Variants in RELN observed in about 807,000 individuals in gnomAD.
RELN encodes the protein reelin.
A neutral mutation model predicts 427.6 loss-of-function variants in RELN; 108 were observed. The ratio of observed to expected loss-of-function variants is 0.25; its 90% confidence interval spans 0.22 to 0.30. RELN has a LOEUF of 0.30. RELN is among the 10% of genes least tolerant of loss of function. The pLI, the probability that RELN is intolerant of heterozygous loss-of-function variation, is 1.00. For missense variants in RELN, 3,715 were observed against 4,302.8 expected, an observed-to-expected ratio of 0.86 and a Z score of 3.82; for synonymous variants, 1,524 against 1,513.4, an observed-to-expected ratio of 1.01 and a Z score of -0.16.
At chr7:103,528,057 T>C (rs1829862924) in intron 46 of RELN, among the ~76,000 whole-genome samples, 2 of 152,188 alleles carry the variant, frequency 1.3e-5, no homozygotes. Context: ...ATTCCAGTCC[T>C]AGGTATATAG....
intron 5 of RELN, among the ~76,000 whole-genome samples, chr7:103,751,424 C>A (rs1490483760): frequency 6.6e-6 from 1 of 152,198 alleles, no homozygotes; most frequent in Admixed American, 6.5e-5. Flanking sequence ...AGCAGGCAAG[C>A]ACGTAATGAA....
chr7:103,510,488 G>A (rs1424834014), intron 51 of RELN, among the ~76,000 whole-genome samples: 3 of 148,060 alleles, frequency 2.0e-5, no homozygotes, highest in East Asian at 2.1e-4. Flanking sequence ...GGGGCCTGTC[G>A]GGGAGTGGAG....
At chr7:103,674,722 C>A (rs942914465) in intron 11 of RELN, among the ~76,000 whole-genome samples, 2 of 152,158 alleles carry the variant, frequency 1.3e-5, no homozygotes, top group Non-Finnish European at 2.9e-5. Context: ...GGATGCAAGC[C>A]TGGTTCAACA....
At chr7:103,679,856 G>A (rs1435177277) in intron 11 of RELN, among the ~76,000 whole-genome samples, 2 of 152,122 alleles carry the variant, frequency 1.3e-5, no homozygotes, top group Non-Finnish European at 2.9e-5. Context: ...TCTAAACTAT[G>A]CTTGGTTTCT....
At chr7:103,705,219 C>T (rs944935167) in intron 8 of RELN, among the ~76,000 whole-genome samples, 1 of 152,188 alleles carries the variant, frequency 6.6e-6, no homozygotes, top group African/African-American at 2.4e-5. Context: ...CATCACCTCA[C>T]ATACTTCATT....
intron 2 of RELN, among the ~76,000 whole-genome samples, chr7:103,850,083 A>G (rs1255568131): frequency 6.6e-6 from 1 of 152,242 alleles, no homozygotes; most frequent in African/African-American, 2.4e-5. Context: ...AGAGGGTTTT[A>G]TCTTCCCAAT....
rs1423511567 is a variant in RELN, at chr7:103,838,206, CTCAA to C, written c.338-4538_338-4535del. On this transcript the variant is annotated intron_variant, in intron 2 of 64. Transcript: ENST00000428762. ...CCTGGGCGACAGAGCGAGACTTCGT[CTCAA>C]AAAAAAAAAAAAAAAAAAAAAAAAG... 1.6e-4 allele frequency among the ~76,000 whole-genome samples: 5 copies of C among 31,192 alleles called. No homozygotes were observed. The East Asian group carries it at 2.3e-3, about 14-fold the overall frequency. 20.5% of individuals were successfully genotyped at this position (31,192 alleles called of 152,430 possible).
intron 3 of RELN, among the ~76,000 whole-genome samples, chr7:103,802,968 ACCG>A (rs1792506095): frequency 6.6e-6 from 1 of 152,152 alleles, no homozygotes; most frequent in Non-Finnish European, 1.5e-5. Context: ...GTAATATAAC[ACCG>A]TAATATTATT....
chr7:103,790,231 G>A (rs551254452), intron 3 of RELN, among the ~76,000 whole-genome samples: 141 of 152,214 alleles, frequency 9.3e-4, no homozygotes, highest in African/African-American at 3.3e-3. Context: ...AATACCTAAT[G>A]TAGATGATGG....
At chr7:103,715,168 T>TG (rs1562968595) in intron 8 of RELN, among the ~76,000 whole-genome samples, 1 of 152,118 alleles carries the variant, frequency 6.6e-6, no homozygotes, top group African/African-American at 2.4e-5. Flanking sequence ...CAATGCTGTA[T>TG]GGGGGAACAT....
At chr7:103,906,140 G>GAGA (rs1207569449) in intron 2 of RELN, among the ~76,000 whole-genome samples, 7 of 152,116 alleles carry the variant, frequency 4.6e-5, no homozygotes, top group Admixed American at 3.9e-4. Flanking sequence ...AAGGACAGCA[G>GAGA]GGTTAGAGCA....
chr7:103,479,496 T>C (rs1460151637), intron 63 of RELN, among the ~76,000 whole-genome samples: 1 of 152,178 alleles, frequency 6.6e-6, no homozygotes. Flanking sequence ...ATACGGCAGA[T>C]TAGCAGGGGC....
chr7:103,516,421 G>T (rs1335999606), intron 49 of RELN, among the ~76,000 whole-genome samples: 3 of 151,994 alleles, frequency 2.0e-5, no homozygotes, highest in African/African-American at 7.3e-5. Flanking sequence ...GAGTAGCTGG[G>T]ATTACAGGCG....
At chr7:103,901,352 T>A (rs3915122) in intron 2 of RELN, among the ~76,000 whole-genome samples, 1 of 151,718 alleles carries the variant, frequency 6.6e-6, no homozygotes, top group Non-Finnish European at 1.5e-5. Context: ...TTGGCAGTTC[T>A]TCAAAAAATT....
intron 10 of RELN, 98 bp downstream of exon 10, chr7:103,697,755 G>A (rs1489639071): frequency 3.9e-6 from 6 of 1,555,142 alleles, no homozygotes; most frequent in Non-Finnish European, 5.3e-6. Context: ...AGTGGTTTTG[G>A]TAAAATAGCT....
chr7:103,517,143 T>C (rs1011972788), intron 49 of RELN, among the ~76,000 whole-genome samples: 2 of 151,792 alleles, frequency 1.3e-5, no homozygotes, highest in Non-Finnish European at 2.9e-5. Flanking sequence ...TCCTCATTTA[T>C]GTCAATTTTG....
At chr7:103,747,416 T>C (rs1335344193) in intron 6 of RELN, among the ~76,000 whole-genome samples, 2 of 104,784 alleles carry the variant, frequency 1.9e-5, no homozygotes, top group Non-Finnish European at 4.2e-5. Flanking sequence ...AGTATAATAA[T>C]AATAAAATTA....
At chr7:103,655,690 G>C (rs1408789847) in intron 12 of RELN, among the ~76,000 whole-genome samples, 1 of 152,042 alleles carries the variant, frequency 6.6e-6, no homozygotes, top group Non-Finnish European at 1.5e-5. Flanking sequence ...AGGAATATTA[G>C]ACAAAAGTAG....
rs1186715250 is a variant in RELN at position 103,765,580 on chromosome 7, A to T, written c.544+10977T>A. Among the ~76,000 whole-genome samples, 4 of 152,376 alleles carry T rather than the reference A, an allele frequency of 2.6e-5. No individual in the cohort carries two copies. The East Asian group carries it at 7.7e-4, about 29-fold the overall frequency. ...GTACATTAAAAATAATGTTGGATTA[A>T]TAAACTGGATGAAATAATATTTCAC... On this transcript the variant is annotated intron_variant, in intron 4 of 64. Transcript: ENST00000428762.
Sources: allele counts gnomAD v4.1 joint callset (sites outside exome capture counted in the v4.1 genomes callset), GRCh38; gene constraint gnomAD v4.1.1; transcripts MANE v1.5; gene names NCBI Gene and HGNC (gene_info 2026-07-23, HGNC 2026-07-21).